SEMA3D: variants seen among roughly 807,000 people sequenced by gnomAD.
The protein encoded by SEMA3D is semaphorin-3D.
Under a neutral mutation model 100.1 loss-of-function variants are expected in SEMA3D, and 84 were observed. That is an observed-to-expected ratio of 0.84 (90% CI 0.70 to 1.01). The LOEUF (loss-of-function observed/expected upper bound fraction) is 1.01, where lower values mean the gene tolerates loss of function less well. Among genes scored for constraint, SEMA3D ranks in the 50% least tolerant of loss-of-function variants. The pLI is 0.00. For missense variants in SEMA3D, 875 were observed against 934.1 expected (o/e 0.94, Z 0.82); for synonymous variants, 312 against 320.7 (o/e 0.97, Z 0.29).
At chr7:85,117,763 AGTATGTATGTATGTATGTATGTATGTAT>A (rs35480171) in intron 3 of SEMA3D, among the ~76,000 whole-genome samples, 3 of 145,806 alleles carry the variant, frequency 2.1e-5, no homozygotes, top group Non-Finnish European at 4.5e-5. Flanking sequence ...ACAGAGCAAG[AGTATGTATGTATGTATGTATGTATGTAT>A]GTATGTATGT....
chr7:85,100,192 T>C (rs988582259), intron 3 of SEMA3D, among the ~76,000 whole-genome samples: 12 of 151,962 alleles, frequency 7.9e-5, no homozygotes, highest in African/African-American at 2.2e-4. Flanking sequence ...TTAATGCAAA[T>C]GCATAGTTAT....
chr7:85,170,040 A>T (rs879572853), intron 1 of SEMA3D, among the ~76,000 whole-genome samples: 1 of 151,876 alleles, frequency 6.6e-6, no homozygotes, highest in Admixed American at 6.6e-5. Flanking sequence ...TTTGGTTTTT[A>T]AAAAATAGAA....
the SEMA3D span, among the ~76,000 whole-genome samples, chr7:85,208,575 T>C: frequency 6.6e-6 from 1 of 152,066 alleles, no homozygotes; most frequent in Non-Finnish European, 1.5e-5. Context: ...TTATTTGGTA[T>C]TTGTCAAAAT....
intron 11 of SEMA3D, among the ~76,000 whole-genome samples, chr7:85,037,978 T>TC (rs1193791286): frequency 2.2e-5 from 3 of 138,732 alleles, no homozygotes; most frequent in Non-Finnish European, 3.0e-5. Flanking sequence ...TCCTTGCGAA[T>TC]AGGTGGGAAT....
At chr7:85,032,311 A>T (rs2115922266) in intron 12 of SEMA3D, among the ~76,000 whole-genome samples, 2 of 152,160 alleles carry the variant, frequency 1.3e-5, no homozygotes, top group East Asian at 3.9e-4. Flanking sequence ...ATGCTCCTAA[A>T]TTCAACATCA....
chr7:85,084,728 C>T (rs959686471), intron 4 of SEMA3D, among the ~76,000 whole-genome samples: 1 of 151,974 alleles, frequency 6.6e-6, no homozygotes, highest in East Asian at 1.9e-4. Context: ...GCCTAGTACA[C>T]GTTAGTTATT....
the SEMA3D span, among the ~76,000 whole-genome samples, chr7:85,213,373 GTA>G: frequency 1.3e-5 from 2 of 151,946 alleles, no homozygotes; most frequent in African/African-American, 2.4e-5. Flanking sequence ...GTATTAAAAA[GTA>G]TAGTCTTTTA....
chr7:85,042,339 C>T, intron 9 of SEMA3D, 54 bp from the exon 10 acceptor site: 2 of 1,263,448 alleles, frequency 1.6e-6, no homozygotes, highest in Non-Finnish European at 2.3e-6. Context: ...TTCTACCACT[C>T]ACTAAAACTG....
chr7:85,127,123 T>C (rs1001151799), intron 2 of SEMA3D, among the ~76,000 whole-genome samples: 9 of 152,156 alleles, frequency 5.9e-5, no homozygotes, highest in African/African-American at 1.9e-4. Context: ...AAGAGTCTTA[T>C]ATTTGATTAA....
intron 2 of SEMA3D, among the ~76,000 whole-genome samples, chr7:85,145,322 A>G (rs1283582625): frequency 6.6e-6 from 1 of 152,130 alleles, no homozygotes; most frequent in Non-Finnish European, 1.5e-5. Context: ...AATATATCAA[A>G]AAGCCTTTAA....
chr7:85,178,623 G>C (rs1451149783), intron 1 of SEMA3D, among the ~76,000 whole-genome samples: 1 of 152,050 alleles, frequency 6.6e-6, no homozygotes, highest in Admixed American at 6.5e-5. Flanking sequence ...AGAGTAAACA[G>C]AGCAAAAAAA....
chr7:85,185,259 C>T (rs903031447), intron 1 of SEMA3D, among the ~76,000 whole-genome samples: 2 of 152,082 alleles, frequency 1.3e-5, no homozygotes, highest in Admixed American at 6.5e-5. Context: ...GCACCAGACC[C>T]AGGAGATGTC....
chr7:85,148,045 T>C (rs994647504), intron 2 of SEMA3D, among the ~76,000 whole-genome samples: 5 of 152,142 alleles, frequency 3.3e-5, no homozygotes, highest in Non-Finnish European at 5.9e-5. Flanking sequence ...ATCTCTTCTA[T>C]GGTCAGAGAT....
the SEMA3D span, among the ~76,000 whole-genome samples, chr7:85,239,238 T>A: frequency 6.6e-6 from 1 of 152,106 alleles, no homozygotes; most frequent in Non-Finnish European, 1.5e-5. Context: ...TCCATTGTGG[T>A]AGTATTAAGA....
intron 1 of SEMA3D, among the ~76,000 whole-genome samples, chr7:85,155,088 A>C (rs1164949677): frequency 6.6e-6 from 1 of 152,104 alleles, no homozygotes; most frequent in African/African-American, 2.4e-5. Context: ...ACATGCAGAA[A>C]AGTTGAAGTA....
At chr7:85,144,747 G>T in intron 2 of SEMA3D, 3 of 775,782 alleles carry the variant, frequency 3.9e-6, no homozygotes, top group Non-Finnish European at 3.1e-6. Flanking sequence ...TGTCTGAATG[G>T]TGTAAAGCAA....
At chr7:85,094,244 A>T (rs926748122) in intron 4 of SEMA3D, among the ~76,000 whole-genome samples, 1 of 152,022 alleles carries the variant, frequency 6.6e-6, no homozygotes, top group Non-Finnish European at 1.5e-5. Flanking sequence ...AGAAGTCAAT[A>T]CTAAGAAGCC....
chr7:85,042,186 A>T lies in SEMA3D; in HGVS notation c.961T>A (p.Tyr321Asn), dbSNP rs764805585. 97 of 1,611,232 alleles carry T rather than the reference A, an allele frequency of 6.0e-5. No homozygotes were observed. The Admixed American group carries it at 1.6e-3, about 26-fold the overall frequency. Residue 321 changes from tyrosine to asparagine, a missense_variant, in exon 10 of 19, where the codon TAC becomes AAC. Transcript: ENST00000284136. ...AGGAACTTACGAAGCTCATCAAAGT[A>T]AGTATCTGCCCCATCACTTCCAGGA... is the stretch of plus-strand genomic sequence containing the variant. ...SIPGSDGADTYFDELQDIYLL... is the reference protein window; with the variant it reads ...SIPGSDGADTNFDELQDIYLL...
the SEMA3D span, among the ~76,000 whole-genome samples, chr7:85,245,067 G>A: frequency 1.3e-5 from 2 of 151,996 alleles, no homozygotes; most frequent in Non-Finnish European, 2.9e-5. Flanking sequence ...TCTTTTTGAG[G>A]GATGTAGCAG....
Sources: allele counts gnomAD v4.1 joint callset (sites outside exome capture counted in the v4.1 genomes callset), GRCh38; gene constraint gnomAD v4.1.1; transcripts MANE v1.5; gene names NCBI Gene and HGNC (gene_info 2026-07-23, HGNC 2026-07-21).